CCSER1: variants seen among roughly 807,000 people sequenced by gnomAD.
CCSER1 encodes coiled-coil serine rich protein 1.
A neutral mutation model predicts 82.0 loss-of-function variants in CCSER1; 41 were observed. The ratio of observed to expected loss-of-function variants is 0.50; its 90% CI spans 0.39 to 0.65. CCSER1 has a LOEUF of 0.65. Among genes scored for constraint, CCSER1 ranks in the 30% least tolerant of loss-of-function variants. The pLI is 0.00. For synonymous variants in CCSER1, 414 were observed against 383.9 expected, an observed-to-expected ratio of 1.08 and a Z score of -0.92; for missense variants, 1,119 against 1,064.2, an observed-to-expected ratio of 1.05 and a Z score of -0.72.
At chr4:90,167,233 A>C (rs1730635839) in intron 1 of CCSER1, among the ~76,000 whole-genome samples, 1 of 152,114 alleles carries the variant, frequency 6.6e-6, no homozygotes, top group Non-Finnish European at 1.5e-5. Context: ...GTCTCATTTT[A>C]AGCATATAGT....
At chr4:90,438,635 G>A (rs768032758) in intron 4 of CCSER1, among the ~76,000 whole-genome samples, 1 of 152,108 alleles carries the variant, frequency 6.6e-6, no homozygotes, top group Non-Finnish European at 1.5e-5. Context: ...TAATCATAAA[G>A]TCTAATCTAA....
intron 9 of CCSER1, among the ~76,000 whole-genome samples, chr4:91,072,187 A>G (rs1250657706): frequency 2.6e-5 from 4 of 152,170 alleles, no homozygotes; most frequent in East Asian, 1.9e-4. Context: ...ACTGGGGGGC[A>G]TGGAAGTGCT....
At chr4:91,271,101 T>C (rs1164006338) in intron 10 of CCSER1, among the ~76,000 whole-genome samples, 1 of 151,922 alleles carries the variant, frequency 6.6e-6, no homozygotes, top group South Asian at 2.1e-4. Flanking sequence ...ATTCATTGTC[T>C]TAAGTAATAG....
chr4:91,106,422 A>G (rs1446143286), intron 10 of CCSER1, among the ~76,000 whole-genome samples: 2 of 152,184 alleles, frequency 1.3e-5, no homozygotes, highest in African/African-American at 4.8e-5. Flanking sequence ...TAATAGACAT[A>G]CCACAACTGA....
rs1391667298 is a variant in CCSER1, at chr4:91,297,557, A to G, written c.2217+211563A>G. 2.6e-5 allele frequency among the ~76,000 whole-genome samples: 4 copies of G among 151,932 alleles called. No individual in the cohort carries two copies. In the East Asian group the frequency reaches 7.8e-4, roughly 30 times the overall value. ...TTTGTAGAATAAGCAATTTCAGACA[A>G]TGACAGGATCCAGGTTGCACCCATG... On this transcript the variant is annotated intron_variant, in intron 10 of 10. Coordinates refer to ENST00000509176, the MANE Select transcript of CCSER1 (RefSeq NM_001145065.2).
At chr4:90,459,227 G>A (rs549052502) in intron 4 of CCSER1, among the ~76,000 whole-genome samples, 17 of 152,222 alleles carry the variant, frequency 1.1e-4, no homozygotes, top group South Asian at 1.0e-3. Context: ...ACAAGGTAAC[G>A]TATTTTCCAG....
At chr4:90,527,511 A>C (rs1235319635) in intron 5 of CCSER1, among the ~76,000 whole-genome samples, 2 of 152,066 alleles carry the variant, frequency 1.3e-5, no homozygotes, top group African/African-American at 4.8e-5. Context: ...TTCTTATTAC[A>C]TGTTAGATGA....
chr4:91,296,449 TTATATATATA>T (rs72475346), intron 10 of CCSER1, among the ~76,000 whole-genome samples: 16 of 94,116 alleles, frequency 1.7e-4, no homozygotes, highest in Non-Finnish European at 2.7e-4. Flanking sequence ...GTGTCTAACA[TTATATATATA>T]TATATATGTA....
intron 10 of CCSER1, among the ~76,000 whole-genome samples, chr4:91,260,850 TC>T (rs1741067322): frequency 1.3e-5 from 2 of 152,052 alleles, no homozygotes; most frequent in South Asian, 4.2e-4. Flanking sequence ...AAGCTCCACC[TC>T]CCGGGTTCAC....
chr4:90,790,634 A>C (rs1157319190), intron 7 of CCSER1, among the ~76,000 whole-genome samples: 1 of 152,166 alleles, frequency 6.6e-6, no homozygotes, highest in East Asian at 1.9e-4. Context: ...AAATTACTAC[A>C]AACTGGAACT....
intron 10 of CCSER1, among the ~76,000 whole-genome samples, chr4:91,158,181 T>C (rs1731010131): frequency 6.6e-6 from 1 of 152,048 alleles, no homozygotes; most frequent in Non-Finnish European, 1.5e-5. Context: ...TTTTGCACTT[T>C]CAGATCACTT....
chr4:91,440,861 A>G (rs1174932060), intron 10 of CCSER1, among the ~76,000 whole-genome samples: 1 of 152,220 alleles, frequency 6.6e-6, no homozygotes, highest in Admixed American at 6.5e-5. Flanking sequence ...AGTAAACTAG[A>G]AAATCTAGAA....
rs574756084 is a variant in CCSER1, at chr4:90,845,955, CTATT to C, written c.2094+30114_2094+30117del. Reference sequence around the variant, plus strand: ...AGTCATTAGTGTCATAGTGCTGTGTCTATTTATAGATTTTTTTTATGAGTGTTAT... The same window carrying C: ...AGTCATTAGTGTCATAGTGCTGTGTCTATAGATTTTTTTTATGAGTGTTAT... On this transcript the variant is annotated intron_variant, in intron 8 of 10. Transcript: ENST00000509176. Among the ~76,000 whole-genome samples the C allele has an allele frequency of 2.0e-3, 288 of 146,940 alleles. 1 individual carries two copies. The highest frequency in any genetic ancestry group is 0.011 in the Middle Eastern group (3 of 274).
At chr4:91,393,052 A>T (rs1444643397) in intron 10 of CCSER1, among the ~76,000 whole-genome samples, 1 of 152,108 alleles carries the variant, frequency 6.6e-6, no homozygotes, top group Non-Finnish European at 1.5e-5. Flanking sequence ...GGAGTAATAG[A>T]TAATGGACAA....
intron 9 of CCSER1, among the ~76,000 whole-genome samples, chr4:90,958,088 T>C (rs1264693242): frequency 6.6e-6 from 1 of 152,180 alleles, no homozygotes; most frequent in Non-Finnish European, 1.5e-5. Flanking sequence ...GGAATCCTCT[T>C]GGAGATATTT....
At chr4:91,149,394 G>T (rs1729896752) in intron 10 of CCSER1, among the ~76,000 whole-genome samples, 1 of 152,114 alleles carries the variant, frequency 6.6e-6, no homozygotes, top group Non-Finnish European at 1.5e-5. Flanking sequence ...TGTCAGATGG[G>T]TAGATTGCAA....
intron 8 of CCSER1, among the ~76,000 whole-genome samples, chr4:90,912,514 T>C (rs1017686230): frequency 6.6e-6 from 1 of 151,728 alleles, no homozygotes; most frequent in African/African-American, 2.4e-5. Context: ...AGACAAAAGG[T>C]ATATAAAACC....
chr4:91,246,646 T>A (rs966034233), intron 10 of CCSER1, among the ~76,000 whole-genome samples: 3 of 152,100 alleles, frequency 2.0e-5, no homozygotes, highest in Non-Finnish European at 4.4e-5. Flanking sequence ...TAAGTGTCCA[T>A]CAACAACAAA....
At chr4:90,823,678 C>A (rs1561200670) in intron 8 of CCSER1, among the ~76,000 whole-genome samples, 1 of 151,822 alleles carries the variant, frequency 6.6e-6, no homozygotes, top group Non-Finnish European at 1.5e-5. Context: ...GATGTTTGGA[C>A]ATTTTAGTTT....
Sources: allele counts gnomAD v4.1 joint callset (sites outside exome capture counted in the v4.1 genomes callset), GRCh38; gene constraint gnomAD v4.1.1; transcripts MANE v1.5; gene names NCBI Gene and HGNC (gene_info 2026-07-23, HGNC 2026-07-21).